DPP10: variants seen among roughly 807,000 people sequenced by gnomAD.
The protein encoded by DPP10 is inactive dipeptidyl peptidase 10.
DPP10 carries 33 observed loss-of-function variants against 120.9 expected under a neutral mutation model. The observed-to-expected ratio is 0.27, with a 90% confidence interval of 0.21 to 0.37. DPP10 has a LOEUF of 0.37. Among genes scored for constraint, DPP10 ranks in the 10% least tolerant of loss-of-function variants. The pLI is 1.00. For synonymous variants in DPP10, 337 were observed against 326.1 expected (o/e 1.03, Z -0.36); for missense variants, 816 against 942.8 (o/e 0.87, Z 1.76).
intron 1 of DPP10, among the ~76,000 whole-genome samples, chr2:114,484,879 A>G (rs555761345): frequency 1.3e-5 from 2 of 152,216 alleles, no homozygotes; most frequent in Non-Finnish European, 2.9e-5. Flanking sequence ...AGCTACTTCC[A>G]TGCTTCAGCA....
At position 115,757,486 on chromosome 2, in the gene DPP10, A is replaced by C. The variant is rs186289598; in HGVS notation, c.1074+4189A>C. On this transcript the variant is annotated intron_variant, in intron 11 of 25. Transcript: ENST00000410059. Reference sequence around the variant, plus strand: ...GCAGGGAAACTCCCACTGTAAATCCATCAAATCTCATGAGACTCATTCACT... The same window carrying C: ...GCAGGGAAACTCCCACTGTAAATCCCTCAAATCTCATGAGACTCATTCACT... 7.1e-3 allele frequency among the ~76,000 whole-genome samples: 1,078 copies of C among 152,232 alleles called. 6 individuals are homozygous for C. The highest frequency in any genetic ancestry group is 0.014 in the Middle Eastern group (4 of 294).
intron 1 of DPP10, among the ~76,000 whole-genome samples, chr2:114,829,495 C>T (rs994039747): frequency 3.3e-5 from 5 of 150,580 alleles, no homozygotes; most frequent in Non-Finnish European, 7.4e-5. Flanking sequence ...GCAATTCTCC[C>T]GCCTAAGCCT....
At chr2:115,383,277 A>ACTTC (rs2066562799) in intron 3 of DPP10, among the ~76,000 whole-genome samples, 1 of 152,190 alleles carries the variant, frequency 6.6e-6, no homozygotes, top group East Asian at 1.9e-4. Flanking sequence ...CATGATAGTG[A>ACTTC]ATAAGTCTCA....
intron 1 of DPP10, among the ~76,000 whole-genome samples, chr2:114,480,364 C>T (rs1479787669): frequency 2.0e-5 from 3 of 151,794 alleles, no homozygotes; most frequent in Non-Finnish European, 2.9e-5. Context: ...GGGTATATAC[C>T]CAAAGGATTA....
intron 12 of DPP10, among the ~76,000 whole-genome samples, chr2:115,765,836 A>G (rs1050223727): frequency 1.3e-5 from 2 of 152,030 alleles, no homozygotes; most frequent in African/African-American, 4.8e-5. Flanking sequence ...CAGTTATACA[A>G]TTTTTCCAAC....
At chr2:115,057,351 A>T (rs984573877) in intron 1 of DPP10, among the ~76,000 whole-genome samples, 18 of 152,178 alleles carry the variant, frequency 1.2e-4, no homozygotes, top group African/African-American at 3.9e-4. Context: ...AATATTTTGG[A>T]GTTAAATGGT....
intron 1 of DPP10, among the ~76,000 whole-genome samples, chr2:114,599,631 C>G (rs1447339379): frequency 6.6e-6 from 1 of 151,542 alleles, no homozygotes; most frequent in Non-Finnish European, 1.5e-5. Context: ...AATCTATCCA[C>G]TTGTTTATGG....
At chr2:115,822,491 A>C (rs1398373093) in intron 21 of DPP10, among the ~76,000 whole-genome samples, 1 of 152,010 alleles carries the variant, frequency 6.6e-6, no homozygotes, top group African/African-American at 2.4e-5. Context: ...AAGAAAATAC[A>C]CCATAGGGAT....
intron 1 of DPP10, among the ~76,000 whole-genome samples, chr2:115,023,929 G>A (rs1379346367): frequency 6.6e-6 from 1 of 152,048 alleles, no homozygotes; most frequent in Non-Finnish European, 1.5e-5. Context: ...AGCATCATAT[G>A]TTCTCACTCA....
intron 19 of DPP10, among the ~76,000 whole-genome samples, chr2:115,798,333 A>G (rs539394821): frequency 5.3e-5 from 8 of 152,182 alleles, no homozygotes; most frequent in African/African-American, 1.9e-4. Context: ...GATTAACTAT[A>G]TTATTAGTTT....
chr2:114,900,295 A>T (rs1307876657), intron 1 of DPP10, among the ~76,000 whole-genome samples: 1 of 152,204 alleles, frequency 6.6e-6, no homozygotes, highest in East Asian at 1.9e-4. Context: ...CACATCTGCT[A>T]TTGGATGTTG....
At chr2:115,698,518 C>T (rs547298952) in intron 7 of DPP10, among the ~76,000 whole-genome samples, 18 of 152,288 alleles carry the variant, frequency 1.2e-4, no homozygotes, top group African/African-American at 2.4e-4. Context: ...TCATGTGTGA[C>T]GCTTTAATCC....
chr2:114,636,867 T>C (rs981930928), intron 1 of DPP10, among the ~76,000 whole-genome samples: 8 of 151,770 alleles, frequency 5.3e-5, no homozygotes, highest in Non-Finnish European at 1.2e-4. Flanking sequence ...CTTTGAATAT[T>C]TGGATGGTGG....
intron 1 of DPP10, among the ~76,000 whole-genome samples, chr2:114,716,344 T>C (rs1368407765): frequency 1.3e-5 from 2 of 152,210 alleles, no homozygotes; most frequent in African/African-American, 2.4e-5. Flanking sequence ...CACTATTCCA[T>C]GTGAAGACGT....
intron 1 of DPP10, among the ~76,000 whole-genome samples, chr2:114,990,355 A>C (rs1700685151): frequency 6.6e-6 from 1 of 152,138 alleles, no homozygotes; most frequent in African/African-American, 2.4e-5. Flanking sequence ...TGTGTGAAAA[A>C]AGTCACTTAA....
At chr2:114,637,343 C>T (rs951213016) in intron 1 of DPP10, among the ~76,000 whole-genome samples, 1 of 151,888 alleles carries the variant, frequency 6.6e-6, no homozygotes, top group Admixed American at 6.6e-5. Flanking sequence ...CTGTTACCCT[C>T]ACTATTGTCC....
intron 1 of DPP10, among the ~76,000 whole-genome samples, chr2:114,640,848 C>T (rs1261980512): frequency 6.6e-6 from 1 of 151,928 alleles, no homozygotes; most frequent in African/African-American, 2.4e-5. Context: ...AGCAAGTCAA[C>T]CCGGTCTTGG....
chr2:115,535,253 G>A (rs1183413947), intron 5 of DPP10, among the ~76,000 whole-genome samples: 11 of 148,746 alleles, frequency 7.4e-5, no homozygotes, highest in East Asian at 2.0e-4. Context: ...TAGGTCTAAC[G>A]TTTAAGTCTT....
At position 115,253,996 on chromosome 2, in the gene DPP10, A is replaced by G. The variant is rs531018797; in HGVS notation, c.61-55243A>G. 3.9e-5 allele frequency among the ~76,000 whole-genome samples: 6 copies of G among 152,012 alleles called. No individual in the cohort carries two copies. The South Asian group carries it at 1.2e-3, about 32-fold the overall frequency. On this transcript the variant is annotated intron_variant, in intron 1 of 25. Coordinates refer to ENST00000410059, the MANE Select transcript of DPP10 (RefSeq NM_020868.6). ...TCTGCCTGGGCGGCCAGGCTTTTCT[A>G]TACACCCTCTGAAATATAAGTGGAA...
Sources: gnomAD v4.1 joint callset for allele counts (sites outside exome capture counted in the v4.1 genomes callset) on GRCh38, gnomAD v4.1.1 for gene constraint, MANE v1.5 for transcripts, NCBI Gene and HGNC (gene_info 2026-07-23, HGNC 2026-07-21) for gene names.